SLC2A5: variants seen among roughly 807,000 people sequenced by gnomAD.
SLC2A5 encodes solute carrier family 2 member 5.
A neutral mutation model predicts 50.3 loss-of-function variants in SLC2A5; 56 were observed. The observed-to-expected ratio is 1.11, with a 90% CI of 0.90 to 1.39. The LOEUF (loss-of-function observed/expected upper bound fraction) is 1.39, where lower values mean the gene tolerates loss of function less well. Among genes scored for constraint, SLC2A5 ranks in the 40% most tolerant of loss-of-function variants. The probability of loss-of-function intolerance (pLI) is 0.00; values close to 1 mark genes in which losing one functional copy is unlikely to be tolerated. For synonymous variants in SLC2A5, 269 were observed against 281.9 expected, an observed-to-expected ratio of 0.95 and a Z score of 0.46; for missense variants, 566 against 650.1, an observed-to-expected ratio of 0.87 and a Z score of 1.41.
At chr1:9,089,875 G>A (rs1229647062), upstream of SLC2A5, among the ~76,000 whole-genome samples, 1 of 152,158 alleles carries the variant, frequency 6.6e-6, no homozygotes, top group Non-Finnish European at 1.5e-5. Context: ...GAGGGTCCCT[G>A]GGATTCTTCA....
intron 3 of SLC2A5, among the ~76,000 whole-genome samples, chr1:9,054,938 A>G (rs914789697): frequency 6.6e-6 from 1 of 152,184 alleles, no homozygotes; most frequent in Non-Finnish European, 1.5e-5. Flanking sequence ...ATATATATTT[A>G]TAGTGTTTGC....
intron 3 of SLC2A5, among the ~76,000 whole-genome samples, chr1:9,056,509 T>C (rs1316236440): frequency 6.6e-6 from 1 of 151,968 alleles, no homozygotes; most frequent in Non-Finnish European, 1.5e-5. Context: ...TCAGATTCTT[T>C]TCTTGAAATA....
At chr1:9,067,838 C>G (rs1234204938) in intron 1 of SLC2A5, among the ~76,000 whole-genome samples, 1 of 152,078 alleles carries the variant, frequency 6.6e-6, no homozygotes, top group East Asian at 1.9e-4. Flanking sequence ...TTAGCCAGTG[C>G]CAAATGGAAA....
chr1:9,038,730 G>A (rs925900862), intron 9 of SLC2A5, 98 bp downstream of exon 9: 2 of 1,468,438 alleles, frequency 1.4e-6, no homozygotes, highest in Non-Finnish European at 1.8e-6. Flanking sequence ...AGCTCATTGT[G>A]ACCCCTTTTA....
chr1:9,048,568 T>C (rs1641493627), intron 3 of SLC2A5, among the ~76,000 whole-genome samples: 1 of 152,118 alleles, frequency 6.6e-6, no homozygotes, highest in African/African-American at 2.4e-5. Context: ...AACATCGGAT[T>C]ATCTCAATAG....
chr1:9,088,182 C>G (rs781527518), intron 1 of SLC2A5, among the ~76,000 whole-genome samples: 3 of 151,920 alleles, frequency 2.0e-5, no homozygotes, highest in Non-Finnish European at 2.9e-5. Flanking sequence ...TAATGAAAAT[C>G]CTCCCTGGGT....
chr1:9,076,663 A>G (rs1397999757), intron 2 of SLC2A5, among the ~76,000 whole-genome samples: 1 of 152,122 alleles, frequency 6.6e-6, no homozygotes, highest in Non-Finnish European at 1.5e-5. Flanking sequence ...AAAGGAAAAA[A>G]CTGAGGTGAA....
chr1:9,050,903 T>C (rs1324706073), intron 3 of SLC2A5, among the ~76,000 whole-genome samples: 1 of 152,172 alleles, frequency 6.6e-6, no homozygotes, highest in Non-Finnish European at 1.5e-5. Flanking sequence ...ATAACTATCA[T>C]AAACAGAGAC....
Position 9,037,909 on chromosome 1 carries a change from G to T in SLC2A5, c.1290C>A (p.Phe430Leu). The T allele has an allele frequency of 6.2e-7, 1 of 1,613,936 alleles. No individual in the cohort carries two copies. The highest frequency in any genetic ancestry group is 8.5e-7 in the Non-Finnish European group (1 of 1,180,014). ...WLSNFTVGLI[F>L]PFIQEGLGPY... ...GGGCCCCACTCACCTGGATGAACGGGAAGATCAAGCCCACGGTGAAGTTGG... is the reference window on the plus strand; with the variant it reads ...GGGCCCCACTCACCTGGATGAACGGTAAGATCAAGCCCACGGTGAAGTTGG... The change falls in exon 11 of 12, where the codon TTC becomes TTA. Residue 430 changes from phenylalanine (F) to leucine (L), a missense_variant. Phe to Leu is a conservative substitution (Grantham distance 22). Coordinates refer to ENST00000377424, the MANE Select transcript of SLC2A5 (RefSeq NM_003039.3).
chr1:9,040,278 G>T lies in SLC2A5; in HGVS notation c.572-89C>A. On this transcript the variant is annotated intron_variant, in intron 5 of 11. Coordinates refer to ENST00000377424, the MANE Select transcript of SLC2A5 (RefSeq NM_003039.3). This position sits in a 1 kb window ranked among gnomAD's most constrained non-coding sequence, Gnocchi z 4.3. ...GAGCCGGCCCCAGCCCCGTCATCCTGAGTGGGGTGCAGGCTCCAGGAGGGC... is the reference window on the plus strand; with the variant it reads ...GAGCCGGCCCCAGCCCCGTCATCCTTAGTGGGGTGCAGGCTCCAGGAGGGC... 2.1e-6 allele frequency: 3 copies of T among 1,462,460 alleles called. No homozygotes were observed. Among genetic ancestry groups the T allele is most frequent in the Non-Finnish European group, 2.7e-6 (3 of 1,099,332 alleles). The allele number at this position is 1,462,460 out of a possible 1,614,324, so 90.6% of individuals were successfully genotyped here.
upstream of SLC2A5, among the ~76,000 whole-genome samples, chr1:9,074,145 T>C (rs1244117904): frequency 1.3e-5 from 2 of 150,924 alleles, no homozygotes; most frequent in Non-Finnish European, 2.9e-5. Context: ...CTTAGCAGCA[T>C]GTTCATATAA....
At chr1:9,053,073 T>TTAATATTAATATATAA (rs1553169434) in intron 3 of SLC2A5, among the ~76,000 whole-genome samples, 2 of 110,930 alleles carry the variant, frequency 1.8e-5, no homozygotes, top group African/African-American at 8.2e-5. Flanking sequence ...TATTATATAT[T>TTAATATTAATATATAA]TATATATTAA....
chr1:9,046,142 A>G (rs1641428216), intron 4 of SLC2A5, among the ~76,000 whole-genome samples: 1 of 152,066 alleles, frequency 6.6e-6, no homozygotes, highest in South Asian at 2.1e-4. Context: ...CAATGTTGGG[A>G]AAGTGACTGG....
upstream of SLC2A5, among the ~76,000 whole-genome samples, chr1:9,093,088 C>G (rs555702774): frequency 2.6e-5 from 4 of 152,116 alleles, no homozygotes; most frequent in Non-Finnish European, 2.9e-5. Context: ...GCATACCATC[C>G]GCCATTTCAT....
chr1:9,053,810 G>A (rs1641687354), intron 3 of SLC2A5, among the ~76,000 whole-genome samples: 1 of 150,446 alleles, frequency 6.6e-6, no homozygotes, highest in African/African-American at 2.4e-5. Flanking sequence ...GGAGGCAGAG[G>A]TTGCAGTGAG....
intron 2 of SLC2A5, among the ~76,000 whole-genome samples, chr1:9,079,978 A>T (rs1226689768): frequency 1.3e-5 from 2 of 152,168 alleles, no homozygotes; most frequent in Non-Finnish European, 2.9e-5. Context: ...CCCTCCCCAA[A>T]GTCCCTGGCA....
At chr1:9,083,873 G>C (rs1183874617) in intron 2 of SLC2A5, among the ~76,000 whole-genome samples, 1 of 151,718 alleles carries the variant, frequency 6.6e-6, no homozygotes, top group African/African-American at 2.4e-5. Context: ...GGCCAGGCAC[G>C]GTGGCTCACG....
the SLC2A5 span, among the ~76,000 whole-genome samples, chr1:9,094,133 G>T: frequency 6.6e-6 from 1 of 152,172 alleles, no homozygotes; most frequent in South Asian, 2.1e-4. Flanking sequence ...CACTATCATT[G>T]TTAAGCACCC....
At chr1:9,059,347 G>T in intron 1 of SLC2A5, among the ~76,000 whole-genome samples, 1 of 151,330 alleles carries the variant, frequency 6.6e-6, no homozygotes, top group East Asian at 1.9e-4. Flanking sequence ...GTTTCACTGT[G>T]TTAGCCAGGA....
Sources: gnomAD v4.1 joint callset for allele counts (sites outside exome capture counted in the v4.1 genomes callset) on GRCh38, gnomAD v4.1.1 for gene constraint, Gnocchi (gnomAD v3.1) non-coding constraint, MANE v1.5 for transcripts, NCBI Gene and HGNC (gene_info 2026-07-23, HGNC 2026-07-21) for gene names.